Variants in KCNIP4 observed in about 807,000 individuals in gnomAD.
The protein encoded by KCNIP4 is potassium voltage-gated channel interacting protein 4.
Under a neutral mutation model 34.0 loss-of-function variants are expected in KCNIP4, and 12 were observed. The observed-to-expected ratio is 0.35, with a 90% CI of 0.23 to 0.57. The LOEUF is 0.57. Among genes scored for constraint, KCNIP4 ranks in the 20% least tolerant of loss-of-function variants. The probability of loss-of-function intolerance (pLI) is 0.83; values close to 1 mark genes in which losing one functional copy is unlikely to be tolerated. For synonymous variants in KCNIP4, 124 were observed against 102.2 expected, an observed-to-expected ratio of 1.21 and a Z score of -1.29; for missense variants, 238 against 311.7, an observed-to-expected ratio of 0.76 and a Z score of 1.78.
intron 1 of KCNIP4, among the ~76,000 whole-genome samples, chr4:21,108,247 G>T (rs1488681706): frequency 6.8e-6 from 1 of 146,904 alleles, no homozygotes. Context: ...CCAATCAGAC[G>T]TAGATTTGGT....
At chr4:21,299,441 G>C (rs1361810591) in intron 1 of KCNIP4, among the ~76,000 whole-genome samples, 1 of 151,996 alleles carries the variant, frequency 6.6e-6, no homozygotes, top group Non-Finnish European at 1.5e-5. Context: ...AACCATAAGA[G>C]ACCCTAAAGG....
At chr4:21,894,220 A>G (rs1727257971) in intron 1 of KCNIP4, among the ~76,000 whole-genome samples, 1 of 151,974 alleles carries the variant, frequency 6.6e-6, no homozygotes. Flanking sequence ...CCTGTAGTCC[A>G]AGACACTTGG....
chr4:21,288,174 C>T (rs772011703), intron 1 of KCNIP4, among the ~76,000 whole-genome samples: 15 of 152,196 alleles, frequency 9.9e-5, no homozygotes, highest in Non-Finnish European at 1.9e-4. Flanking sequence ...CACATGCACA[C>T]ACACATCTGT....
intron 1 of KCNIP4, among the ~76,000 whole-genome samples, chr4:21,802,890 TC>T (rs1721084248): frequency 6.6e-6 from 1 of 152,070 alleles, no homozygotes; most frequent in South Asian, 2.1e-4. Flanking sequence ...ACTGATAGAG[TC>T]AGCTTTAAAA....
rs76822520 is a variant in KCNIP4, at chr4:21,641,574, G to A, written c.61+306997C>T. On this transcript the variant is annotated intron_variant, in intron 1 of 8. Transcript: ENST00000382152. The stretch of plus-strand genomic sequence containing the variant: ...GAAAATTGGTTCAAGGAAGTTTGGG[G>A]ATGAGGTATGTGGATAGACATCTCT... Among the ~76,000 whole-genome samples the A allele has an allele frequency of 9.5e-3, 1,454 of 152,296 alleles. 82 individuals carry two copies. The East Asian group carries it at 0.18, about 18-fold the overall frequency.
chr4:20,865,431 C>A (rs1478093425), intron 2 of KCNIP4, among the ~76,000 whole-genome samples: 1 of 151,940 alleles, frequency 6.6e-6, no homozygotes, highest in African/African-American at 2.4e-5. Context: ...TTAAAATTGG[C>A]AGCTTATTCA....
At chr4:21,565,262 C>T (rs1195907344) in intron 1 of KCNIP4, among the ~76,000 whole-genome samples, 1 of 152,112 alleles carries the variant, frequency 6.6e-6, no homozygotes, top group Non-Finnish European at 1.5e-5. Context: ...CAGATGGCCG[C>T]TTTCTTATTA....
chr4:20,758,722 G>A, intron 4 of KCNIP4, 99 bp downstream of exon 4: 4 of 884,722 alleles, frequency 4.5e-6, no homozygotes, highest in Admixed American at 2.0e-5. Context: ...TTTACATAAC[G>A]ATTAAAAATG....
intron 4 of KCNIP4, among the ~76,000 whole-genome samples, chr4:20,751,303 A>G (rs1753576106): frequency 6.6e-6 from 1 of 152,216 alleles, no homozygotes. Context: ...TCCATCCAGT[A>G]TTGATACATT....
chr4:21,439,118 C>A (rs371072563), intron 1 of KCNIP4, among the ~76,000 whole-genome samples: 2 of 149,218 alleles, frequency 1.3e-5, no homozygotes, highest in Non-Finnish European at 3.0e-5. Flanking sequence ...GCCGACATCG[C>A]GCCACTGCAC....
intron 1 of KCNIP4, among the ~76,000 whole-genome samples, chr4:21,759,234 C>A (rs1717882408): frequency 1.3e-5 from 2 of 152,150 alleles, no homozygotes; most frequent in South Asian, 4.1e-4. Context: ...AATGTGTCAA[C>A]ACAGTGATAT....
chr4:21,895,081 T>G (rs1727310304), intron 1 of KCNIP4, among the ~76,000 whole-genome samples: 1 of 152,218 alleles, frequency 6.6e-6, no homozygotes, highest in Non-Finnish European at 1.5e-5. Context: ...CTTACATTTC[T>G]CAATTGGAAG....
At chr4:21,013,408 T>C (rs1739234870) in intron 1 of KCNIP4, among the ~76,000 whole-genome samples, 1 of 152,082 alleles carries the variant, frequency 6.6e-6, no homozygotes, top group Admixed American at 6.6e-5. Context: ...CTGAAGTCAT[T>C]ACAGGCAGGG....
At chr4:21,048,852 A>AAGCAC (rs1202016315) in intron 1 of KCNIP4, among the ~76,000 whole-genome samples, 1 of 151,792 alleles carries the variant, frequency 6.6e-6, no homozygotes, top group African/African-American at 2.4e-5. Flanking sequence ...TGAGTCCAGG[A>AAGCAC]AGCACATGCT....
chr4:20,813,159 AC>A (rs1484704485), intron 3 of KCNIP4, among the ~76,000 whole-genome samples: 1 of 152,180 alleles, frequency 6.6e-6, no homozygotes, highest in Non-Finnish European at 1.5e-5. Flanking sequence ...ACCTGAAGCT[AC>A]CATTGAAGAT....
At chr4:21,708,812 A>G (rs1051421944) in intron 1 of KCNIP4, among the ~76,000 whole-genome samples, 8 of 152,284 alleles carry the variant, frequency 5.3e-5, no homozygotes, top group African/African-American at 1.9e-4. Flanking sequence ...ATTGGAACCT[A>G]ATGGACTCAC....
intron 1 of KCNIP4, among the ~76,000 whole-genome samples, chr4:21,569,789 C>T (rs1362531911): frequency 6.6e-6 from 1 of 151,848 alleles, no homozygotes; most frequent in East Asian, 1.9e-4. Context: ...TTCAGGCCAG[C>T]AGGGGAGAAA....
chr4:21,383,944 C>T (rs12509376), intron 1 of KCNIP4, among the ~76,000 whole-genome samples: 5,420 of 152,022 alleles, frequency 0.036, 253 homozygotes, highest in African/African-American at 0.091. Flanking sequence ...CTCATGCCTA[C>T]CTCTCATACC....
chr4:21,823,607 A>G (rs1481332732), intron 1 of KCNIP4, among the ~76,000 whole-genome samples: 2 of 152,022 alleles, frequency 1.3e-5, no homozygotes, highest in Admixed American at 1.3e-4. Context: ...CACCCCAAAT[A>G]CACTAAATCA....
Sources: gnomAD v4.1 joint callset for allele counts (sites outside exome capture counted in the v4.1 genomes callset) on GRCh38, gnomAD v4.1.1 for gene constraint, MANE v1.5 for transcripts, NCBI Gene and HGNC (gene_info 2026-07-23, HGNC 2026-07-21) for gene names.